The following ABCC4 variants were observed in gnomAD, a reference collection of about 807,000 sequenced individuals.
ABCC4 encodes ATP binding cassette subfamily C member 4 (PEL blood group), also known as ATP-binding cassette sub-family C member 4.
ABCC4 carries 102 observed loss-of-function variants against 168.5 expected under a neutral mutation model. The ratio of observed to expected loss-of-function variants is 0.61; its 90% confidence interval spans 0.52 to 0.71. The LOEUF (loss-of-function observed/expected upper bound fraction) is 0.71. ABCC4 is among the 30% of genes least tolerant of loss of function. The pLI is 0.00. For missense variants in ABCC4, 1,402 were observed against 1,605.8 expected (o/e 0.87, Z 2.17); for synonymous variants, 617 against 590.7 (o/e 1.04, Z -0.65).
At chr13:95,052,871 G>C (rs2032898451) in intron 27 of ABCC4, among the ~76,000 whole-genome samples, 1 of 152,138 alleles carries the variant, frequency 6.6e-6, no homozygotes. Context: ...AACTGTTTTG[G>C]ACAACAGGAA....
chr13:95,301,439 G>C lies in ABCC4; in HGVS notation c.-125C>G. On this transcript the variant is annotated 5_prime_UTR_variant, in exon 1 of 31. Coordinates refer to ENST00000645237, the MANE Select transcript of ABCC4 (RefSeq NM_005845.5). The stretch of plus-strand genomic sequence containing the variant: ...GCCGCCACGCCTGTCCGCTCGGCTG[G>C]AGCCTGTGAAGCAGCCGCTTCCGGG... The C allele has an allele frequency of 1.3e-6, 1 of 780,314 alleles. No homozygotes were observed. The highest frequency in any genetic ancestry group is 1.8e-6 in the Non-Finnish European group (1 of 552,362). 48.3% of individuals were successfully genotyped at this position (780,314 alleles called of 1,614,324 possible).
Position 95,021,619 on chromosome 13 carries a change from T to A in ABCC4, c.3934A>T (p.Asn1312Tyr). The A allele has an allele frequency of 6.2e-7, 1 of 1,613,512 alleles. No homozygotes were observed. Among genetic ancestry groups the A allele is most frequent in the Non-Finnish European group, 8.5e-7 (1 of 1,179,458 alleles). Residue 1312 changes from asparagine (N) to tyrosine (Y), a missense_variant, in exon 31 of 31, where the codon AAT becomes TAT. This residue lies in a region of ABCC4 where 1,007 missense variants were observed against 1,127.3 expected (regional missense o/e 0.89). Transcript: ENST00000645237. Reference protein sequence around the residue: ...HTDHMVTNTSNGQPSTLTIFE... With the variant: ...HTDHMVTNTSYGQPSTLTIFE... ...ATAGTTAAGGTCGAGGGCTGTCCAT[T>A]GGAAGTGTTTGTAACCATGTGGTCA...
rs149381482 is a variant in ABCC4, at chr13:95,071,754, C to A, written c.3118G>T (p.Val1040Leu). 1 of 1,607,580 alleles carries A rather than the reference C, an allele frequency of 6.2e-7. No homozygotes were observed. Among genetic ancestry groups the A allele is most frequent in the Non-Finnish European group, 8.5e-7 (1 of 1,177,006 alleles). Residue 1040 changes from valine (V) to leucine (L), a missense_variant, in exon 25 of 31, where the codon GTG (valine) becomes TTG (leucine). Physicochemically the swap from Val to Leu is conservative, Grantham distance 32. Coordinates refer to ENST00000645237, the MANE Select transcript of ABCC4 (RefSeq NM_005845.5). Reference sequence around the variant, plus strand: ...AAGTTCACATTGTCAAAGATTATCACTCCTTCATGGGGCCAGGCTGGTGGT... The same window carrying A: ...AAGTTCACATTGTCAAAGATTATCAATCCTTCATGGGGCCAGGCTGGTGGT... ...RPPPAWPHEGVIIFDNVNFMY... is the reference protein window; with the variant it reads ...RPPPAWPHEGLIIFDNVNFMY...
intron 1 of ABCC4, among the ~76,000 whole-genome samples, chr13:95,279,259 C>CT (rs1211139927): frequency 1.1e-4 from 17 of 152,230 alleles, no homozygotes; most frequent in Non-Finnish European, 2.2e-4. Flanking sequence ...TCCCCCTTCT[C>CT]TATCTGCTAA....
At chr13:95,205,155 T>C (rs866976956) in intron 8 of ABCC4, among the ~76,000 whole-genome samples, 2 of 152,212 alleles carry the variant, frequency 1.3e-5, no homozygotes, top group South Asian at 4.1e-4. Flanking sequence ...AATGACCCTG[T>C]ATGGTCTGTT....
chr13:95,211,136 C>T (rs566388357), intron 4 of ABCC4, among the ~76,000 whole-genome samples: 27 of 152,274 alleles, frequency 1.8e-4, no homozygotes, highest in African/African-American at 5.5e-4. Flanking sequence ...AATGAGAGGA[C>T]GTGGACTATA....
At chr13:95,280,816 A>G (rs1302254146) in intron 1 of ABCC4, among the ~76,000 whole-genome samples, 1 of 152,074 alleles carries the variant, frequency 6.6e-6, no homozygotes, top group African/African-American at 2.4e-5. Flanking sequence ...TTCTGGGCAA[A>G]CTTAGCAGAA....
chr13:95,058,083 A>G (rs2033131379), intron 26 of ABCC4, among the ~76,000 whole-genome samples: 1 of 152,224 alleles, frequency 6.6e-6, no homozygotes, highest in Non-Finnish European at 1.5e-5. Context: ...ACATAAGTGA[A>G]TACACTCTGT....
chr13:95,188,636 A>C, intron 9 of ABCC4, 94 bp from the exon 10 acceptor site: 1 of 985,002 alleles, frequency 1.0e-6, no homozygotes, highest in East Asian at 2.5e-5. Context: ...TCATTGATAC[A>C]TGAACATAAC....
chr13:95,106,799 T>C (rs556000188), intron 20 of ABCC4, among the ~76,000 whole-genome samples: 57 of 152,194 alleles, frequency 3.7e-4, no homozygotes, highest in Middle Eastern at 6.8e-3. Flanking sequence ...AGAAAGATGG[T>C]ACTGGTGACT....
chr13:95,053,470 T>C (rs2139264890), intron 26 of ABCC4, among the ~76,000 whole-genome samples: 1 of 152,298 alleles, frequency 6.6e-6, no homozygotes, highest in East Asian at 1.9e-4. Flanking sequence ...GTTTTCCTCA[T>C]ATTATTAGCT....
intron 30 of ABCC4, among the ~76,000 whole-genome samples, chr13:95,024,311 G>A (rs757089549): frequency 1.8e-4 from 28 of 151,982 alleles, no homozygotes; most frequent in Admixed American, 4.6e-4. Flanking sequence ...TGAAGCTTAA[G>A]GGAGACAATG....
At chr13:95,178,147 C>T (rs2037772780) in intron 11 of ABCC4, 56 bp from the exon 12 acceptor site, 1 of 1,492,936 alleles carries the variant, frequency 6.7e-7, no homozygotes, top group South Asian at 1.1e-5. Flanking sequence ...TGTTCTTCCT[C>T]TGTTCTTTGT....
At chr13:95,061,158 G>T (rs543439729) in intron 26 of ABCC4, among the ~76,000 whole-genome samples, 1 of 152,166 alleles carries the variant, frequency 6.6e-6, no homozygotes, top group Non-Finnish European at 1.5e-5. Context: ...CGATGGACAC[G>T]AGCTATTTCC....
chr13:95,207,472 T>C (rs7983079), intron 7 of ABCC4, among the ~76,000 whole-genome samples: 98,948 of 152,146 alleles, frequency 0.65, 32,315 homozygotes, highest in African/African-American at 0.69. Flanking sequence ...TTAATATAAA[T>C]TATAGTTTTA....
intron 30 of ABCC4, among the ~76,000 whole-genome samples, chr13:95,023,981 TG>T (rs1239854667): frequency 6.6e-6 from 1 of 151,902 alleles, no homozygotes; most frequent in Non-Finnish European, 1.5e-5. Context: ...CCAAGGCAGG[TG>T]GATCACTTGA....
intron 19 of ABCC4, among the ~76,000 whole-genome samples, chr13:95,130,528 C>T (rs187172284): frequency 3.5e-4 from 53 of 152,168 alleles, no homozygotes; most frequent in Non-Finnish European, 5.7e-4. Flanking sequence ...ATAAACATAC[C>T]GTGGCAAAAC....
chr13:95,207,026 CAAA>C (rs10597066), intron 7 of ABCC4, among the ~76,000 whole-genome samples: 2 of 151,230 alleles, frequency 1.3e-5, no homozygotes, highest in African/African-American at 2.4e-5. Flanking sequence ...ATCCAAAAGC[CAAA>C]AAAAAAATAC....
intron 20 of ABCC4, among the ~76,000 whole-genome samples, chr13:95,102,394 G>C (rs945359785): frequency 6.6e-6 from 1 of 151,686 alleles, no homozygotes; most frequent in Non-Finnish European, 1.5e-5. Context: ...GTTCTTTCCA[G>C]GTCGGCCTCC....
Sources: gnomAD v4.1 joint callset for allele counts (sites outside exome capture counted in the v4.1 genomes callset) on GRCh38, gnomAD v4.1.1 for gene constraint, gnomAD v4.1.1 regional missense constraint, MANE v1.5 for transcripts, NCBI Gene and HGNC (gene_info 2026-07-23, HGNC 2026-07-21) for gene names.